KLK13: variants seen among roughly 807,000 people sequenced by gnomAD.
The protein encoded by KLK13 is kallikrein-13.
In KLK13, 19 loss-of-function variants were observed where a neutral mutation model predicts 22.4. That is an observed-to-expected ratio of 0.85 (90% CI 0.59 to 1.24). KLK13 has a LOEUF of 1.24. Ranked by LOEUF, KLK13 falls within the 50% of genes most tolerant of loss-of-function variation. KLK13 has a pLI of 0.00. For missense variants in KLK13, 311 were observed against 347.9 expected, an observed-to-expected ratio of 0.89 and a Z score of 0.84; for synonymous variants, 156 against 141.8, an observed-to-expected ratio of 1.10 and a Z score of -0.71.
rs530722249 is a variant in KLK13, at chr19:51,060,535, G to A, written c.137C>T (p.Ser46Phe). 1 of 1,614,026 alleles carries A rather than the reference G, an allele frequency of 6.2e-7. No homozygotes were observed. The highest frequency in any genetic ancestry group is 8.5e-7 in the Non-Finnish European group (1 of 1,179,916). The change falls in exon 2 of 5, where the codon TCT becomes TTT. Residue 46 changes from serine (S) to phenylalanine (F), a missense_variant. Ser to Phe is a radical substitution (Grantham distance 155). Transcript: ENST00000595793. ...LPGGYTCFPH[S>F]QPWQAALLVQ... is the part of the protein sequence containing the mutation. ...TAGTAGGGCAGCCTGCCAGGGCTGA[G>A]AGTGGGGGAAGCAGGTGTAGCCACC... is the stretch of plus-strand genomic sequence containing the variant.
At chr19:51,064,778 G>C in intron 1 of KLK13, 1 of 624,704 alleles carries the variant, frequency 1.6e-6, no homozygotes, top group South Asian at 1.7e-5. Flanking sequence ...GAACGCGGGA[G>C]GGGCTGCTGC....
At chr19:51,065,535 C>G (rs1022252537), upstream of KLK13, among the ~76,000 whole-genome samples, 1 of 152,154 alleles carries the variant, frequency 6.6e-6, no homozygotes, top group African/African-American at 2.4e-5. Context: ...CTCTCCCTCT[C>G]CCTGACTCAG....
rs774773154 is a variant in KLK13, at chr19:51,060,624, T to C, written c.53-5A>G. The C allele has an allele frequency of 6.3e-7, 1 of 1,579,676 alleles. No individual in the cohort carries two copies. Among genetic ancestry groups the C allele is most frequent in the Middle Eastern group, 1.7e-4 (1 of 5,826 alleles). The stretch of plus-strand genomic sequence containing the variant: ...TGGAAGACTCCTGGGAGACACCTGG[T>C]AAAGAAGAGAGATTGTTAGAAAACT... On this transcript the variant is annotated splice_region_variant and splice_polypyrimidine_tract_variant and intron_variant, in intron 1 of 4. Coordinates refer to ENST00000595793, the MANE Select transcript of KLK13 (RefSeq NM_015596.3).
At chr19:51,058,479 G>A in intron 4 of KLK13, 59 bp downstream of exon 4, 1 of 1,599,112 alleles carries the variant, frequency 6.3e-7, no homozygotes, top group Non-Finnish European at 8.6e-7. Context: ...CCCAGCATCT[G>A]TCACTTCCAT....
intron 3 of KLK13, 28 bp from the exon 4 acceptor site, chr19:51,058,702 G>A (rs2091698728): frequency 6.2e-7 from 1 of 1,613,276 alleles, no homozygotes; most frequent in South Asian, 1.1e-5. Context: ...AAGGTCTAAG[G>A]TATCCGACCT....
At chr19:51,064,982 T>A (rs1343100548) in intron 1 of KLK13, 34 bp downstream of exon 1, 3 of 1,449,380 alleles carry the variant, frequency 2.1e-6, no homozygotes, top group East Asian at 3.1e-5. Flanking sequence ...TTGTCCCGAA[T>A]GGCCGCCGCG....
Position 51,060,162 on chromosome 19 carries a change from C to T in KLK13, c.240-69G>A, listed in dbSNP as rs1309868241. Reference sequence around the variant, plus strand: ...ATTTCCATCCCCATCCCAGCCCCAACCTCTTCCCATCCCCAACCTAACTTC... The same window carrying T: ...ATTTCCATCCCCATCCCAGCCCCAATCTCTTCCCATCCCCAACCTAACTTC... On this transcript the variant is annotated intron_variant, in intron 2 of 4. Transcript: ENST00000595793. The T allele has an allele frequency of 5.1e-6, 8 of 1,572,780 alleles. No homozygotes were observed. The South Asian group carries it at 8.1e-5, about 16-fold the overall frequency.
rs1396421401 is a variant in KLK13, at chr19:51,058,542, C to CAGGA, written c.637_640dup (p.Cys214PhefsTer3). On this transcript the variant is annotated frameshift_variant, in exon 4 of 5. Coordinates refer to ENST00000595793, the MANE Select transcript of KLK13 (RefSeq NM_015596.3). LOFTEE classifies it low-confidence loss of function (END_TRUNC). ...CCACCAGCCTCCCGGCCTCACCTCA[C>CAGGA]AGGAGTCTTTGCCACCCTCTTTTGT... 6.2e-7 allele frequency: 1 copy of CAGGA among 1,614,072 alleles called. No individual in the cohort carries two copies. The highest frequency in any genetic ancestry group is 1.3e-5 in the African/African-American group (1 of 74,926).
At chr19:51,064,132 G>T (rs764424370) in intron 1 of KLK13, among the ~76,000 whole-genome samples, 34 of 152,094 alleles carry the variant, frequency 2.2e-4, no homozygotes, top group Non-Finnish European at 4.3e-4. Context: ...GGTCACATAG[G>T]TTTGGGGTCA....
chr19:51,060,027 T>C lies in KLK13; in HGVS notation c.306A>G (p.Glu102=), dbSNP rs150230942. ...GRVEAGEQVR[E]VVHSIPHPEY... is the part of the protein sequence containing the mutation. Reference sequence around the variant, plus strand: ...CAGGGTGGGGGATAGAGTGGACAACTTCCCTCACCTGCTCACCAGCTTCCA... The same window carrying C: ...CAGGGTGGGGGATAGAGTGGACAACCTCCCTCACCTGCTCACCAGCTTCCA... The change falls in exon 3 of 5, where the codon GAA becomes GAG. Residue 102 remains glutamate, a synonymous_variant. Transcript: ENST00000595793. 934 of 1,613,634 alleles carry C rather than the reference T, an allele frequency of 5.8e-4. 1 individual carries two copies. The highest frequency in any genetic ancestry group is 7.5e-4 in the Non-Finnish European group (881 of 1,179,828).
chr19:51,059,426 T>G lies in KLK13; in HGVS notation c.508+399A>C, dbSNP rs147604307. On this transcript the variant is annotated intron_variant, in intron 3 of 4. Coordinates refer to ENST00000595793, the MANE Select transcript of KLK13 (RefSeq NM_015596.3). ...ATAAAATACATTTATAATATATAATTTAAATATAGATTATATATAATATAT... is the reference window on the plus strand; with the variant it reads ...ATAAAATACATTTATAATATATAATGTAAATATAGATTATATATAATATAT... Among the ~76,000 whole-genome samples the G allele has an allele frequency of 7.0e-4, 103 of 146,148 alleles. 1 individual carries two copies. Among genetic ancestry groups the G allele is most frequent in the African/African-American group, 2.5e-3 (102 of 40,398 alleles).
At chr19:51,058,395 C>T in intron 4 of KLK13, 143 bp downstream of exon 4, 12 of 966,124 alleles carry the variant, frequency 1.2e-5, no homozygotes, top group Admixed American at 4.6e-5. Context: ...CCCTTTTTGT[C>T]TTGACCTCCT....
chr19:51,060,468 G>C lies in KLK13; in HGVS notation c.204C>G (p.Pro68=). ...AGTGTGCGGCAGTGAGGACCCATTT[G>C]GGGTGGACCAGGACTCCCCCACAGA... ...RLLCGGVLVH[P]KWVLTAAHCL... Residue 68 remains proline (P), a synonymous_variant, in exon 2 of 5, where the codon CCC becomes CCG. Coordinates refer to ENST00000595793, the MANE Select transcript of KLK13 (RefSeq NM_015596.3). The C allele has an allele frequency of 6.2e-7, 1 of 1,613,356 alleles. No homozygotes were observed. The highest frequency in any genetic ancestry group is 8.5e-7 in the Non-Finnish European group (1 of 1,179,572).
Position 51,058,606 on chromosome 19 carries a change from A to C in KLK13, c.577T>G (p.Tyr193Asp). The C allele has an allele frequency of 1.2e-6, 2 of 1,614,152 alleles. No individual in the cohort carries two copies. The highest frequency in any genetic ancestry group is 1.7e-6 in the Non-Finnish European group (2 of 1,180,030). ...ATGTTGTCAGTGATCTTTCCTGGGT[A>C]GACTTGACGACACTCCTCATCTGAG... Reference protein sequence around the residue: ...LRSDEECRQVYPGKITDNMLC... With the variant: ...LRSDEECRQVDPGKITDNMLC... Residue 193 changes from tyrosine to aspartate, a missense_variant, in exon 4 of 5, where the codon TAC becomes GAC. Coordinates refer to ENST00000595793, the MANE Select transcript of KLK13 (RefSeq NM_015596.3).
chr19:51,059,484 A>T (rs2122689918), intron 3 of KLK13, among the ~76,000 whole-genome samples: 1 of 146,048 alleles, frequency 6.8e-6, no homozygotes, highest in South Asian at 2.1e-4. Context: ...TAAAATACAT[A>T]ATTGATAAAT....
At position 51,065,025 on chromosome 19, in the gene KLK13, A is replaced by T; in HGVS notation, c.43T>A (p.Leu15Met). 7.0e-7 allele frequency: 1 copy of T among 1,436,194 alleles called. No homozygotes were observed. Among genetic ancestry groups the T allele is most frequent in the Non-Finnish European group, 9.3e-7 (1 of 1,075,326 alleles). 89.0% of individuals were successfully genotyped at this position (1,436,194 alleles called of 1,614,324 possible). A position where few individuals can be genotyped will look rare whatever the true frequency, so the allele number is the denominator to read the frequency against. ...ALVIASLTLA[L>M]SGGVSQESSK... ...CCCCGCGCATTCTTACCTCCTGACAAGGCCAAGGTCAGGGAGGCGATCACT... is the reference window on the plus strand; with the variant it reads ...CCCCGCGCATTCTTACCTCCTGACATGGCCAAGGTCAGGGAGGCGATCACT... The change falls in exon 1 of 5, where the codon TTG becomes ATG. Residue 15 changes from leucine (L) to methionine (M), a missense_variant. Coordinates refer to ENST00000595793, the MANE Select transcript of KLK13 (RefSeq NM_015596.3).
At chr19:51,061,348 A>C (rs2091729928) in intron 1 of KLK13, among the ~76,000 whole-genome samples, 1 of 152,198 alleles carries the variant, frequency 6.6e-6, no homozygotes, top group Non-Finnish European at 1.5e-5. Flanking sequence ...CCATGGCTTT[A>C]AATACCAGCT....
upstream of KLK13, among the ~76,000 whole-genome samples, chr19:51,065,457 AT>A (rs1356482643): frequency 6.6e-6 from 1 of 151,830 alleles, no homozygotes; most frequent in African/African-American, 2.4e-5. Flanking sequence ...CCAAGTTCTT[AT>A]CTGTCCGCGC....
In KLK13 at chr19:51,056,515, G is replaced by A; in HGVS notation, c.*72C>T. 5.6e-6 allele frequency: 8 copies of A among 1,416,156 alleles called. No individual in the cohort carries two copies. Among genetic ancestry groups the A allele is most frequent in the Non-Finnish European group, 7.9e-6 (8 of 1,013,104 alleles). 87.7% of individuals were successfully genotyped at this position (1,416,156 alleles called of 1,614,324 possible). A position where few individuals can be genotyped will look rare whatever the true frequency, so the allele number is the denominator to read the frequency against. On this transcript the variant is annotated 3_prime_UTR_variant, in exon 5 of 5. Transcript: ENST00000595793. ...TCAAATGGAACACTGGGAATAAGGAGCAGAGAAGGGCTAAGCAGACCATGT... is the reference window on the plus strand; with the variant it reads ...TCAAATGGAACACTGGGAATAAGGAACAGAGAAGGGCTAAGCAGACCATGT...
Sources: gnomAD v4.1 joint callset for allele counts (sites outside exome capture counted in the v4.1 genomes callset) on GRCh38, gnomAD v4.1.1 for gene constraint, MANE v1.5 for transcripts, NCBI Gene and HGNC (gene_info 2026-07-23, HGNC 2026-07-21) for gene names.